Variants in CELSR2 observed in about 807,000 individuals in gnomAD.
CELSR2 encodes EGF-like protein 2.
A neutral mutation model predicts 251.6 loss-of-function variants in CELSR2; 81 were observed. The observed-to-expected ratio is 0.32, with a 90% confidence interval of 0.27 to 0.39. The LOEUF is 0.39. Among genes scored for constraint, CELSR2 ranks in the 10% least tolerant of loss-of-function variants. CELSR2 has a pLI of 1.00. For synonymous variants in CELSR2, 1,721 were observed against 1,670.5 expected, an observed-to-expected ratio of 1.03 and a Z score of -0.74; for missense variants, 3,365 against 3,947.7, an observed-to-expected ratio of 0.85 and a Z score of 3.96.
intron 1 of CELSR2, among the ~76,000 whole-genome samples, chr1:109,254,879 T>A (rs1655799904): frequency 2.0e-5 from 3 of 152,174 alleles, no homozygotes; most frequent in African/African-American, 7.2e-5. Context: ...CTGGAGCTCC[T>A]GTGTCCTCAA....
Position 109,269,414 on chromosome 1 carries a change from C to G in CELSR2, c.6813-10C>G. On this transcript the variant is annotated splice_polypyrimidine_tract_variant and intron_variant, in intron 20 of 33. Coordinates refer to ENST00000271332, the MANE Select transcript of CELSR2 (RefSeq NM_001408.3). This position sits in a 1 kb window ranked among gnomAD's most constrained non-coding sequence, Gnocchi z 6.4. ...CCGTGGTGACTGTGCACCTGACTGC[C>G]CCACATCAGAGTCCCCAAACGCCCG... 1 of 1,613,106 alleles carries G rather than the reference C, an allele frequency of 6.2e-7. No individual in the cohort carries two copies. Among genetic ancestry groups the G allele is most frequent in the Non-Finnish European group, 8.5e-7 (1 of 1,179,566 alleles).
intron 6 of CELSR2, among the ~76,000 whole-genome samples, 159 bp downstream of exon 6, chr1:109,262,603 G>A (rs1275167673): frequency 6.6e-6 from 1 of 152,204 alleles, no homozygotes; most frequent in African/African-American, 2.4e-5. Flanking sequence ...TCAGAGCAAG[G>A]CCCTGTGGGG....
At position 109,251,391 on chromosome 1, in the gene CELSR2, A is replaced by G. The variant is rs369703876; in HGVS notation, c.1312A>G (p.Ile438Val). ...GAGCAATGCCGTGGTGCACTATAGC[A>G]TCATGAGTGGCAATGCTCGGGGACA... The part of the protein sequence containing the change: ...KGSNAVVHYS[I>V]MSGNARGQFY... Residue 438 changes from isoleucine (I) to valine (V), a missense_variant, in exon 1 of 34, where the codon ATC becomes GTC. By Grantham distance (29) the Ile-to-Val change is conservative. Transcript: ENST00000271332. The surrounding 1 kb of genome is among the most constrained non-coding windows in gnomAD (Gnocchi z 4.9). 1.2e-6 allele frequency: 2 copies of G among 1,613,948 alleles called. No homozygotes were observed. Among genetic ancestry groups the G allele is most frequent in the Non-Finnish European group, 1.7e-6 (2 of 1,180,038 alleles).
At chr1:109,273,970 C>G (rs1440213524) in intron 33 of CELSR2, 52 bp from the exon 34 acceptor site, 2 of 1,605,556 alleles carry the variant, frequency 1.2e-6, no homozygotes, top group Non-Finnish European at 1.7e-6. Context: ...TCCTCTGTTT[C>G]AACTAACCCT....
intron 2 of CELSR2, among the ~76,000 whole-genome samples, chr1:109,260,670 G>A (rs2101251362): frequency 6.6e-6 from 1 of 152,286 alleles, no homozygotes; most frequent in South Asian, 2.1e-4. Context: ...GACACCCCCA[G>A]GTGTGCTTGG....
At chr1:109,270,282 C>A in intron 23 of CELSR2, 144 bp from the exon 24 acceptor site, 2 of 1,258,638 alleles carry the variant, frequency 1.6e-6, no homozygotes, top group South Asian at 2.7e-5. Context: ...GTGGCTCCCC[C>A]GGGATCCCCC....
chr1:109,259,187 G>A (rs552796090), intron 2 of CELSR2, 108 bp downstream of exon 2: 1 of 993,736 alleles, frequency 1.0e-6, no homozygotes, highest in Non-Finnish European at 1.4e-6. Flanking sequence ...TCCCGAGTGA[G>A]GTGCAGCTAC....
chr1:109,250,272 C>G lies in CELSR2; in HGVS notation c.193C>G (p.Leu65Val). ...GWLCPSSASN[L>V]WLYTSRCRDA... ...GCTCTGTCCATCCTCAGCGTCGAAC[C>G]TCTGGCTCTACACCAGCCGCTGCAG... Residue 65 changes from leucine (L) to valine (V), a missense_variant, in exon 1 of 34, where the codon CTC becomes GTC. Around this residue, in one of 5 missense-constraint regions of CELSR2, gnomAD observed 704 missense variants for 784.1 expected, o/e 0.90. Coordinates refer to ENST00000271332, the MANE Select transcript of CELSR2 (RefSeq NM_001408.3). The surrounding 1 kb of genome is among the most constrained non-coding windows in gnomAD (Gnocchi z 4.4). 1 of 1,612,800 alleles carries G rather than the reference C, an allele frequency of 6.2e-7. No homozygotes were observed. The highest frequency in any genetic ancestry group is 1.1e-5 in the South Asian group (1 of 91,048).
At position 109,270,562 on chromosome 1, in the gene CELSR2, A is replaced by G; in HGVS notation, c.7445A>G (p.Tyr2482Cys). ...GTCAACACCGGCCCCATGCGCTTCT[A>G]CTACATGCTGGGCTGGGGCGTGCCT... ...RDVNTGPMRF[Y>C]YMLGWGVPAF... Residue 2482 changes from tyrosine to cysteine, a missense_variant, in exon 24 of 34, where the codon TAC becomes TGC. Coordinates refer to ENST00000271332, the MANE Select transcript of CELSR2 (RefSeq NM_001408.3). 1 of 1,614,064 alleles carries G rather than the reference A, an allele frequency of 6.2e-7. No individual in the cohort carries two copies. Among genetic ancestry groups the G allele is most frequent in the Non-Finnish European group, 8.5e-7 (1 of 1,180,010 alleles).
chr1:109,266,152 C>T lies in CELSR2; in HGVS notation c.5959C>T (p.Pro1987Ser). ...AGCGATTGAGGCTGGGATCTGGTGG[C>T]CCCGTACCCGCTTCGGGCTGCCTGC... ...PRAIEAGIWW[P>S]RTRFGLPAAA... The change falls in exon 15 of 34, where the codon CCC becomes TCC. Residue 1987 changes from proline to serine, a missense_variant. Physicochemically the swap from Pro to Ser is moderately conservative, Grantham distance 74. Transcript: ENST00000271332. The T allele has an allele frequency of 6.2e-7, 1 of 1,614,130 alleles. No homozygotes were observed. Among genetic ancestry groups the T allele is most frequent in the Non-Finnish European group, 8.5e-7 (1 of 1,180,034 alleles).
rs768995998 is a variant in CELSR2, at chr1:109,273,477, A to G, written c.8551A>G (p.Ser2851Gly). The G allele has an allele frequency of 3.7e-6, 6 of 1,612,506 alleles. No individual in the cohort carries two copies. The East Asian group carries it at 8.9e-5, about 24-fold the overall frequency. Residue 2851 changes from serine to glycine, a missense_variant, in exon 33 of 34, where the codon AGC (serine) becomes GGC (glycine). Physicochemically the swap from Ser to Gly is moderately conservative, Grantham distance 56. This residue lies in a region of CELSR2 where 2,093 missense variants were observed against 2,382.8 expected (regional missense o/e 0.88). Transcript: ENST00000271332. The part of the protein sequence containing the change: ...KKCLPTISEK[S>G]SLLRLPLEQC... ...GTGTCTGCCCACCATCAGCGAGAAG[A>G]GCAGCCTCCTGCGGCTCCCCCTGGA...
In CELSR2 at chr1:109,263,365, G is replaced by C. The variant is rs75551809; in HGVS notation, c.4834+98G>C. ...GGCACTGGGCAGGGCTCTGCTGAGCGGGGCTGTGGGTGGAAAAGCGTGTCT... is the reference window on the plus strand; with the variant it reads ...GGCACTGGGCAGGGCTCTGCTGAGCCGGGCTGTGGGTGGAAAAGCGTGTCT... On this transcript the variant is annotated intron_variant, in intron 8 of 33. Coordinates refer to ENST00000271332, the MANE Select transcript of CELSR2 (RefSeq NM_001408.3). The C allele has an allele frequency of 0.01, 15,208 of 1,477,544 alleles. 1,235 individuals are homozygous for C. In the African/African-American group the frequency reaches 0.19, roughly 18 times the overall value. 91.5% of individuals were successfully genotyped at this position (1,477,544 alleles called of 1,614,324 possible). A position where few individuals can be genotyped will look rare whatever the true frequency, so the allele number is the denominator to read the frequency against.
intron 29 of CELSR2, 97 bp from the exon 30 acceptor site, chr1:109,272,543 G>A (rs1656401570): frequency 6.7e-7 from 1 of 1,485,866 alleles, no homozygotes; most frequent in Non-Finnish European, 9.3e-7. Context: ...AGCTGTAAGG[G>A]ACCCACAGCA....
Position 109,263,751 on chromosome 1 carries a change from AG to A in CELSR2, c.4980del (p.Arg1661AlafsTer13). The part of the protein sequence containing the change: ...ADGVLLQAIT[R>X]GRSTITLQLR... ...CGGTGTCCTGCTGCAGGCCATCACC[AG>A]GGGGCGCAGCACCATCACCCTACAG... On this transcript the variant is annotated frameshift_variant, in exon 9 of 34. Coordinates refer to ENST00000271332, the MANE Select transcript of CELSR2 (RefSeq NM_001408.3). LOFTEE classifies it high-confidence loss of function. The A allele has an allele frequency of 6.2e-7, 1 of 1,613,532 alleles. No individual in the cohort carries two copies.
At chr1:109,263,344 C>T (rs1656079649) in intron 8 of CELSR2, 77 bp downstream of exon 8, 17 of 1,511,224 alleles carry the variant, frequency 1.1e-5, no homozygotes, top group Non-Finnish European at 1.4e-5. Flanking sequence ...GGGGCAGGCA[C>T]TGGGCAGGGC....
rs1557738087 is a variant in CELSR2 at position 109,272,999 on chromosome 1, G to A, written c.8310G>A (p.Glu2770=). The change falls in exon 31 of 34, where the codon GAG becomes GAA. Residue 2770 remains glutamate (E), a synonymous_variant. Transcript: ENST00000271332. ...GWDSLLGPGA[E]RLPLHSTPKD... ...ATAGCCTGCTGGGGCCTGGAGCAGAGAGACTGCCCCTGCACAGTACTCCCA... is the reference window on the plus strand; with the variant it reads ...ATAGCCTGCTGGGGCCTGGAGCAGAAAGACTGCCCCTGCACAGTACTCCCA... 2.5e-6 allele frequency: 4 copies of A among 1,613,504 alleles called. No individual in the cohort carries two copies. Among genetic ancestry groups the A allele is most frequent in the Admixed American group, 1.7e-5 (1 of 59,990 alleles).
Position 109,269,381 on chromosome 1 carries a change from TGTGACTGCCGTG to T in CELSR2, c.6813-35_6813-24del. ...GGGGTCGGGGGCGTCTCCCCAGTCA[TGTGACTGCCGTG>T]GTGACTGTGCACCTGACTGCCCCAC... is the stretch of plus-strand genomic sequence containing the variant. On this transcript the variant is annotated intron_variant, in intron 20 of 33. Coordinates refer to ENST00000271332, the MANE Select transcript of CELSR2 (RefSeq NM_001408.3). The surrounding 1 kb of genome is among the most constrained non-coding windows in gnomAD (Gnocchi z 6.4). 6.2e-7 allele frequency: 1 copy of T among 1,610,562 alleles called. No individual in the cohort carries two copies. Among genetic ancestry groups the T allele is most frequent in the Non-Finnish European group, 8.5e-7 (1 of 1,177,932 alleles).
At position 109,265,812 on chromosome 1, in the gene CELSR2, C is replaced by T; in HGVS notation, c.5805C>T (p.Val1935=). The T allele has an allele frequency of 6.2e-7, 1 of 1,614,166 alleles. No individual in the cohort carries two copies. Among genetic ancestry groups the T allele is most frequent in the Non-Finnish European group, 8.5e-7 (1 of 1,180,046 alleles). ...DCYPTGSLSR[V]CDPEDGQCPC... ...ACCCCACAGGCTCCTTGTCCAGAGT[C>T]TGTGACCCTGAGGATGGCCAGTGTC... Residue 1935 remains valine (V), a synonymous_variant, in exon 14 of 34, where the codon GTC becomes GTT. Coordinates refer to ENST00000271332, the MANE Select transcript of CELSR2 (RefSeq NM_001408.3).
Position 109,261,786 on chromosome 1 carries a change from G to C in CELSR2, c.4298-22G>C. The C allele has an allele frequency of 6.3e-7, 1 of 1,578,762 alleles. No homozygotes were observed. Among genetic ancestry groups the C allele is most frequent in the Non-Finnish European group, 8.6e-7 (1 of 1,159,836 alleles). ...TTCCTAGCCCTCGTCAGGCATTCCA[G>C]CTCACCTGGTCCTTTCCCCAGGGGA... On this transcript the variant is annotated intron_variant, in intron 4 of 33. Coordinates refer to ENST00000271332, the MANE Select transcript of CELSR2 (RefSeq NM_001408.3). This position sits in a 1 kb window ranked among gnomAD's most constrained non-coding sequence, Gnocchi z 4.8.
Sources: allele counts gnomAD v4.1 joint callset (sites outside exome capture counted in the v4.1 genomes callset), GRCh38; gene constraint gnomAD v4.1.1; regional missense constraint gnomAD v4.1.1; non-coding constraint Gnocchi (gnomAD v3.1); transcripts MANE v1.5; gene names NCBI Gene and HGNC (gene_info 2026-07-23, HGNC 2026-07-21).